Variants in BRCA2 observed in about 807,000 individuals in gnomAD.
BRCA2 encodes the protein breast cancer type 2 susceptibility protein.
A neutral mutation model predicts 276.7 loss-of-function variants in BRCA2; 203 were observed. That is an observed-to-expected ratio of 0.73 (90% CI 0.65 to 0.82). BRCA2 has a LOEUF of 0.82. Ranked by LOEUF, BRCA2 falls within the 40% of genes least tolerant of loss-of-function variation. The probability of loss-of-function intolerance (pLI) is 0.00; values close to 1 mark genes in which losing one functional copy is unlikely to be tolerated. For missense variants in BRCA2, 3,920 were observed against 3,915.0 expected, an observed-to-expected ratio of 1.00 and a Z score of -0.03; for synonymous variants, 1,289 against 1,338.4, an observed-to-expected ratio of 0.96 and a Z score of 0.81.
intron 1 of BRCA2, among the ~76,000 whole-genome samples, chr13:32,315,895 G>A (rs559309847): frequency 2.6e-5 from 4 of 152,306 alleles, no homozygotes; most frequent in Admixed American, 2.6e-4. Context: ...CCTCCGGCCC[G>A]GCCTTTGGGC....
In BRCA2 at chr13:32,326,520, A is replaced by G. The variant is rs1555281048; in HGVS notation, c.538A>G (p.Ile180Val). The G allele has an allele frequency of 6.2e-7, 1 of 1,613,566 alleles. No homozygotes were observed. The highest frequency in any genetic ancestry group is 8.5e-7 in the Non-Finnish European group (1 of 1,179,528). Residue 180 changes from isoleucine to valine, a missense_variant, in exon 7 of 27, where the codon ATT (isoleucine) becomes GTT (valine). Physicochemically the swap from Ile to Val is conservative, Grantham distance 29. Coordinates refer to ENST00000380152, the MANE Select transcript of BRCA2 (RefSeq NM_000059.4). ...CCAGGGTCGTCAGACACCAAAACAT[A>G]TTTCTGAAAGTCTAGGAGCTGAGGT... The part of the protein sequence containing the change: ...FVKGRQTPKH[I>V]SESLGAEVDP...
intron 24 of BRCA2, chr13:32,385,783 C>G (rs1049392414): frequency 5.6e-5 from 10 of 178,482 alleles, no homozygotes; most frequent in Non-Finnish European, 9.9e-5. Flanking sequence ...GTGCATGAAA[C>G]CAGTGGTAGA....
chr13:32,362,896 A>T (rs1048516308), intron 17 of BRCA2, among the ~76,000 whole-genome samples: 3 of 147,158 alleles, frequency 2.0e-5, no homozygotes, highest in Admixed American at 6.9e-5. Flanking sequence ...CTCTTTCCCC[A>T]CCCCCTCCTT....
intron 21 of BRCA2, 54 bp from the exon 22 acceptor site, chr13:32,379,263 A>C: frequency 1.1e-5 from 18 of 1,575,868 alleles, no homozygotes; most frequent in Non-Finnish European, 1.6e-5. Flanking sequence ...GTTACAATAG[A>C]TGGAACTTTT....
At position 32,370,433 on chromosome 13, in the gene BRCA2, G is replaced by T. The variant is rs80359080; in HGVS notation, c.8363G>T (p.Trp2788Leu). ...GCTAACAGTACTCGGCCTGCTCGCT[G>T]GTATACCAAACTTGGATTCTTTCCT... Reference protein sequence around the residue: ...ISANSTRPARWYTKLGFFPDP... With the variant: ...ISANSTRPARLYTKLGFFPDP... Residue 2788 changes from tryptophan to leucine, a missense_variant, in exon 19 of 27, where the codon TGG becomes TTG. Coordinates refer to ENST00000380152, the MANE Select transcript of BRCA2 (RefSeq NM_000059.4). 2 of 1,613,868 alleles carry T rather than the reference G, an allele frequency of 1.2e-6. No homozygotes were observed. Among genetic ancestry groups the T allele is most frequent in the African/African-American group, 1.3e-5 (1 of 74,998 alleles).
At chr13:32,321,028 G>A (rs1379509139) in intron 3 of BRCA2, among the ~76,000 whole-genome samples, 1 of 152,132 alleles carries the variant, frequency 6.6e-6, no homozygotes, top group Non-Finnish European at 1.5e-5. Flanking sequence ...ATCAGTTAGG[G>A]GATGTGTAAT....
intron 24 of BRCA2, among the ~76,000 whole-genome samples, chr13:32,381,937 T>C (rs2072927031): frequency 1.3e-5 from 2 of 152,064 alleles, no homozygotes; most frequent in African/African-American, 4.8e-5. Context: ...AAAAATGGAA[T>C]TGCCACTTAG....
At chr13:32,385,578 GA>G in intron 24 of BRCA2, 1 of 269,944 alleles carries the variant, frequency 3.7e-6, no homozygotes, top group Admixed American at 4.2e-5. Context: ...AGATCCAAAT[GA>G]AGGAAGCTAC....
intron 20 of BRCA2, among the ~76,000 whole-genome samples, chr13:32,375,098 G>C (rs2072862214): frequency 6.6e-6 from 1 of 152,188 alleles, no homozygotes; most frequent in Admixed American, 6.5e-5. Context: ...GATCTTGTGA[G>C]AACTCCCTCA....
Position 32,398,765 on chromosome 13 carries a change from A to G in BRCA2, c.10252A>G (p.Ile3418Val), listed in dbSNP as rs2073058148. ...GGACACAATTACAACTAAAAAATATATCTAAGCATTTGCAAAGGCGACAAT... is the reference window on the plus strand; with the variant it reads ...GGACACAATTACAACTAAAAAATATGTCTAAGCATTTGCAAAGGCGACAAT... ...KQDTITTKKYI is the reference protein window; with the variant it reads ...KQDTITTKKYV The change falls in exon 27 of 27, where the codon ATC (isoleucine) becomes GTC (valine). Residue 3418 changes from isoleucine (I) to valine (V), a missense_variant. This residue lies in a region of BRCA2 where 657 missense variants were observed against 758.2 expected (regional missense o/e 0.87). Transcript: ENST00000380152. 1 of 1,613,696 alleles carries G rather than the reference A, an allele frequency of 6.2e-7. No individual in the cohort carries two copies. Among genetic ancestry groups the G allele is most frequent in the Non-Finnish European group, 8.5e-7 (1 of 1,179,950 alleles).
intron 15 of BRCA2, 81 bp from the exon 16 acceptor site, chr13:32,357,661 G>T: frequency 6.8e-7 from 1 of 1,462,152 alleles, no homozygotes. Context: ...TTCAGTTTTG[G>T]TTTGTTATAA....
intron 2 of BRCA2, among the ~76,000 whole-genome samples, chr13:32,317,854 G>C (rs1213368981): frequency 1.3e-5 from 2 of 152,170 alleles, no homozygotes; most frequent in African/African-American, 4.8e-5. Flanking sequence ...TTTGTCAGCT[G>C]TTCTTTCAAG....
chr13:32,361,671 G>A (rs1339516483), intron 16 of BRCA2, among the ~76,000 whole-genome samples: 1 of 152,190 alleles, frequency 6.6e-6, no homozygotes, highest in Non-Finnish European at 1.5e-5. Flanking sequence ...AATGGTAGAA[G>A]AGGGCAAAGT....
intron 24 of BRCA2, among the ~76,000 whole-genome samples, chr13:32,388,257 G>A (rs759182612): frequency 5.9e-5 from 9 of 151,742 alleles, no homozygotes; most frequent in Non-Finnish European, 1.0e-4. Flanking sequence ...TAGCTGGGAC[G>A]ACAGGCACGT....
chr13:32,318,660 C>G (rs930020436), intron 2 of BRCA2, among the ~76,000 whole-genome samples: 1 of 152,106 alleles, frequency 6.6e-6, no homozygotes, highest in South Asian at 2.1e-4. Flanking sequence ...CAAGGTTGGT[C>G]TCGATCTGAC....
chr13:32,337,260 C>G lies in BRCA2; in HGVS notation c.2905C>G (p.Gln969Glu), dbSNP rs886038080. The change falls in exon 11 of 27, where the codon CAA becomes GAA. Residue 969 changes from glutamine (Q) to glutamate (E), a missense_variant. Gln to Glu is a conservative substitution (Grantham distance 29). Coordinates refer to ENST00000380152, the MANE Select transcript of BRCA2 (RefSeq NM_000059.4). ...GCAGCATATAAAAATGACTCTAGGT[C>G]AAGATTTAAAATCGGACATCTCCTT... Reference protein sequence around the residue: ...VKQHIKMTLGQDLKSDISLNI... With the variant: ...VKQHIKMTLGEDLKSDISLNI... 6.2e-7 allele frequency: 1 copy of G among 1,611,806 alleles called. No individual in the cohort carries two copies. Among genetic ancestry groups the G allele is most frequent in the Middle Eastern group, 1.7e-4 (1 of 6,042 alleles).
In BRCA2 at chr13:32,376,700, G is replaced by A. The variant is rs80359124; in HGVS notation, c.8663G>A (p.Arg2888His). The A allele has an allele frequency of 6.8e-6, 11 of 1,613,754 alleles. No homozygotes were observed. The highest frequency in any genetic ancestry group is 1.6e-4 in the Middle Eastern group (1 of 6,084). The change falls in exon 21 of 27, where the codon CGT becomes CAT. Residue 2888 changes from arginine (R) to histidine (H), a missense_variant. Transcript: ENST00000380152. Reference sequence around the variant, plus strand: ...ACAACAAAACCATATTTACCATCACGTGCACTAACAAGACAGCAAGTTCGT... The same window carrying A: ...ACAACAAAACCATATTTACCATCACATGCACTAACAAGACAGCAAGTTCGT... ...ENTTKPYLPS[R>H]ALTRQQVRAL... is the part of the protein sequence containing the mutation.
Position 32,360,610 on chromosome 13 carries a change from G to A in BRCA2, c.7806-1913G>A, listed in dbSNP as rs112052793. Among the ~76,000 whole-genome samples the A allele has an allele frequency of 1.2e-3, 185 of 152,178 alleles. 2 individuals are homozygous for A. The highest frequency in any genetic ancestry group is 4.2e-3 in the African/African-American group (173 of 41,516). ...CCTGACCTCAGGATCCACCCTCCTC[G>A]GCCTCCCAAAGTGCTGGAATTACAG... On this transcript the variant is annotated intron_variant, in intron 16 of 26. Coordinates refer to ENST00000380152, the MANE Select transcript of BRCA2 (RefSeq NM_000059.4).
At chr13:32,397,732 G>A (rs1469179925) in intron 26 of BRCA2, among the ~76,000 whole-genome samples, 1 of 152,136 alleles carries the variant, frequency 6.6e-6, no homozygotes, top group Non-Finnish European at 1.5e-5. Flanking sequence ...TGTAGATGAG[G>A]AGACTGTGGC....
Sources: gnomAD v4.1 joint callset for allele counts (sites outside exome capture counted in the v4.1 genomes callset) on GRCh38, gnomAD v4.1.1 for gene constraint, gnomAD v4.1.1 regional missense constraint, MANE v1.5 for transcripts, NCBI Gene and HGNC (gene_info 2026-07-23, HGNC 2026-07-21) for gene names.